Variants in VWDE observed in about 807,000 individuals in gnomAD.
VWDE encodes the protein von Willebrand factor D and EGF domain-containing protein.
A neutral mutation model predicts 178.4 loss-of-function variants in VWDE; 207 were observed. That is an observed-to-expected ratio of 1.16 (90% confidence interval 1.04 to 1.30). The LOEUF is 1.30. Ranked by LOEUF, VWDE falls within the 50% of genes most tolerant of loss-of-function variation. The pLI is 0.00. For synonymous variants in VWDE, 738 were observed against 651.4 expected, an observed-to-expected ratio of 1.13 and a Z score of -2.02; for missense variants, 2,287 against 1,901.3, an observed-to-expected ratio of 1.20 and a Z score of -3.77.
At chr7:12,377,949 A>G (rs1583328784) in intron 6 of VWDE, 29 bp from the exon 7 acceptor site, 2 of 1,336,522 alleles carry the variant, frequency 1.5e-6, no homozygotes, top group Non-Finnish European at 1.9e-6. Context: ...TAGAAAAATT[A>G]TGTTAAAATA....
In VWDE at chr7:12,372,976, C is replaced by A. The variant is rs1267027664; in HGVS notation, c.1587+1G>T. ...TTTCAATGTTAAAGAATCATACATA[C>A]TGTGACTTTTCTTCCTAAGTAAGAT... is the stretch of plus-strand genomic sequence containing the variant. On this transcript the variant is annotated splice_donor_variant, in intron 10 of 28. Coordinates refer to ENST00000275358, the MANE Select transcript of VWDE (RefSeq NM_001135924.3). LOFTEE classifies it high-confidence loss of function. The A allele has an allele frequency of 6.4e-7, 1 of 1,550,534 alleles. No homozygotes were observed. The highest frequency in any genetic ancestry group is 8.7e-7 in the Non-Finnish European group (1 of 1,146,298).
chr7:12,370,534 A>G, intron 11 of VWDE, 25 bp from the exon 12 acceptor site: 1 of 1,531,382 alleles, frequency 6.5e-7, no homozygotes, highest in South Asian at 1.2e-5. Flanking sequence ...ACAGGAAAGA[A>G]TAGTAATTTT....
At chr7:12,338,025 T>A (rs1781132676) in intron 24 of VWDE, among the ~76,000 whole-genome samples, 1 of 152,080 alleles carries the variant, frequency 6.6e-6, no homozygotes, top group Non-Finnish European at 1.5e-5. Flanking sequence ...TCCTAAATAA[T>A]AATTAAATAA....
At chr7:12,387,512 G>T (rs1326894690) in intron 3 of VWDE, among the ~76,000 whole-genome samples, 1 of 151,712 alleles carries the variant, frequency 6.6e-6, no homozygotes, top group African/African-American at 2.4e-5. Flanking sequence ...TAATTTTTGA[G>T]ATTGGGTATT....
intron 19 of VWDE, among the ~76,000 whole-genome samples, chr7:12,346,948 A>T (rs1470086860): frequency 2.0e-5 from 3 of 152,194 alleles, no homozygotes; most frequent in Admixed American, 2.0e-4. Flanking sequence ...TCCTTAACAT[A>T]GTTGGCAACA....
rs567178873 is a variant in VWDE, at chr7:12,384,643, C to T, written c.476-1042G>A. 1.1e-3 allele frequency among the ~76,000 whole-genome samples: 168 copies of T among 152,140 alleles called. 1 individual carries two copies. The highest frequency in any genetic ancestry group is 2.1e-3 in the Non-Finnish European group (141 of 67,994). On this transcript the variant is annotated intron_variant, in intron 3 of 28. Coordinates refer to ENST00000275358, the MANE Select transcript of VWDE (RefSeq NM_001135924.3). ...AAATCTATAATAATAGTGAAACACA[C>T]TATAATCTCCAGAAATGTATACAAC...
intron 13 of VWDE, among the ~76,000 whole-genome samples, chr7:12,364,127 G>A (rs1782729552): frequency 6.6e-6 from 1 of 152,020 alleles, no homozygotes; most frequent in Non-Finnish European, 1.5e-5. Flanking sequence ...AGGCTAGAAT[G>A]AACCTTATGG....
At chr7:12,350,891 G>C (rs1781894388) in intron 19 of VWDE, among the ~76,000 whole-genome samples, 1 of 152,002 alleles carries the variant, frequency 6.6e-6, no homozygotes, top group South Asian at 2.1e-4. Flanking sequence ...AAGTAAATAA[G>C]AATAGCAGAC....
In VWDE at chr7:12,369,663, A is replaced by G. The variant is rs1445996157; in HGVS notation, c.2643T>C (p.Ile881=). Residue 881 remains isoleucine (I), a synonymous_variant, in exon 12 of 29, where the codon ATT becomes ATC. Transcript: ENST00000275358. ...KYNTEEYGTS[I]EDILSVLKCP... is the part of the protein sequence containing the mutation. ...ATTTTAATACTGAGAGAATGTCTTC[A>G]ATTGATGTGCCATACTCTTCTGTGT... 6.4e-6 allele frequency: 10 copies of G among 1,551,678 alleles called. No homozygotes were observed. The highest frequency in any genetic ancestry group is 8.7e-6 in the Non-Finnish European group (10 of 1,146,914).
At chr7:12,333,841 T>G (rs1780867061) in intron 27 of VWDE, 1 of 270,032 alleles carries the variant, frequency 3.7e-6, no homozygotes, top group Non-Finnish European at 6.9e-6. Flanking sequence ...GGCTACATTT[T>G]GAAGTATTTG....
At chr7:12,391,605 T>C (rs1325145808) in intron 2 of VWDE, among the ~76,000 whole-genome samples, 1 of 152,070 alleles carries the variant, frequency 6.6e-6, no homozygotes, top group Non-Finnish European at 1.5e-5. Flanking sequence ...AAATTCTGAA[T>C]TTTTTTTAGT....
At chr7:12,333,048 G>A (rs1019266138) in intron 28 of VWDE, among the ~76,000 whole-genome samples, 5 of 152,062 alleles carry the variant, frequency 3.3e-5, no homozygotes, top group African/African-American at 9.7e-5. Flanking sequence ...ATAACATCTC[G>A]GCTGTTGATA....
chr7:12,340,689 G>A (rs980287117), intron 23 of VWDE, among the ~76,000 whole-genome samples: 25 of 152,180 alleles, frequency 1.6e-4, no homozygotes, highest in African/African-American at 4.8e-4. Context: ...GTTTGTCCAA[G>A]ATGACGGTGC....
intron 13 of VWDE, among the ~76,000 whole-genome samples, chr7:12,361,787 A>G (rs960584723): frequency 1.1e-4 from 16 of 152,016 alleles, no homozygotes; most frequent in Non-Finnish European, 1.8e-4. Flanking sequence ...GGTCATATAC[A>G]ATGGATCACT....
At chr7:12,347,856 G>T (rs1290610288) in intron 19 of VWDE, among the ~76,000 whole-genome samples, 2 of 152,006 alleles carry the variant, frequency 1.3e-5, no homozygotes, top group Admixed American at 1.3e-4. Context: ...AAACAGCATG[G>T]CACTGGTACC....
intron 1 of VWDE, among the ~76,000 whole-genome samples, chr7:12,401,221 G>T (rs1019786803): frequency 1.3e-5 from 2 of 152,004 alleles, no homozygotes; most frequent in Non-Finnish European, 2.9e-5. Flanking sequence ...TACCCAGGGG[G>T]ATTAACCAAA....
rs1322249183 is a variant in VWDE at position 12,340,355 on chromosome 7, G to A, written c.4333C>T (p.Pro1445Ser). Reference protein sequence around the residue: ...SCNKPNTCLCPNGFFGEHCQN... With the variant: ...SCNKPNTCLCSNGFFGEHCQN... Reference sequence around the variant, plus strand: ...CAGTGTTCCCCAAAGAATCCATTTGGACAGAGGCAAGTATTTGGCTTATTA... The same window carrying A: ...CAGTGTTCCCCAAAGAATCCATTTGAACAGAGGCAAGTATTTGGCTTATTA... The change falls in exon 24 of 29, where the codon CCA becomes TCA. Residue 1445 changes from proline to serine, a missense_variant. By Grantham distance (74) the Pro-to-Ser change is moderately conservative (BLOSUM62 -1). Transcript: ENST00000275358. The A allele has an allele frequency of 2.6e-6, 4 of 1,551,424 alleles. No homozygotes were observed. The highest frequency in any genetic ancestry group is 1.7e-4 in the Middle Eastern group (1 of 5,992).
chr7:12,379,320 G>A (rs2128558060), intron 6 of VWDE, among the ~76,000 whole-genome samples, 157 bp downstream of exon 6: 1 of 152,282 alleles, frequency 6.6e-6, no homozygotes, highest in East Asian at 1.9e-4. Flanking sequence ...TTGCGCATTA[G>A]AATTACTGGG....
At chr7:12,338,535 T>C (rs549069346) in intron 24 of VWDE, among the ~76,000 whole-genome samples, 5 of 152,226 alleles carry the variant, frequency 3.3e-5, no homozygotes, top group African/African-American at 1.2e-4. Context: ...AAACTTGAAG[T>C]GTAGAAATAA....
Sources: allele counts gnomAD v4.1 joint callset (sites outside exome capture counted in the v4.1 genomes callset), GRCh38; gene constraint gnomAD v4.1.1; transcripts MANE v1.5; gene names NCBI Gene and HGNC (gene_info 2026-07-23, HGNC 2026-07-21).